PADI4: variants seen among roughly 807,000 people sequenced by gnomAD.
The protein encoded by PADI4 is protein-arginine deiminase type-4.
A neutral mutation model predicts 75.0 loss-of-function variants in PADI4; 62 were observed. That is an observed-to-expected ratio of 0.83 (90% CI 0.67 to 1.02). The LOEUF (loss-of-function observed/expected upper bound fraction) is 1.02, where lower values mean the gene tolerates loss of function less well. Among genes scored for constraint, PADI4 ranks in the 50% least tolerant of loss-of-function variants. The pLI is 0.00. For missense variants in PADI4, 845 were observed against 850.5 expected (o/e 0.99, Z 0.08); for synonymous variants, 361 against 348.1 (o/e 1.04, Z -0.41).
intron 1 of PADI4, among the ~76,000 whole-genome samples, chr1:17,320,474 T>C (rs1427143447): frequency 1.3e-5 from 2 of 152,250 alleles, no homozygotes; most frequent in African/African-American, 2.4e-5. Context: ...TTCTTGATTA[T>C]ATGCTAAACA....
In PADI4 at chr1:17,342,128, C is replaced by A. The variant is rs199938784; in HGVS notation, c.831+7C>A. On this transcript the variant is annotated splice_region_variant and intron_variant, in intron 7 of 15. Coordinates refer to ENST00000375448, the MANE Select transcript of PADI4 (RefSeq NM_012387.3). Reference sequence around the variant, plus strand: ...GCTGGACACGTCCAACCTGGTAGGCCGAGAAGGCAGCCCTGCATCGGGGGC... The same window carrying A: ...GCTGGACACGTCCAACCTGGTAGGCAGAGAAGGCAGCCCTGCATCGGGGGC... 6 of 1,612,676 alleles carry A rather than the reference C, an allele frequency of 3.7e-6. No homozygotes were observed. In the African/African-American group the frequency reaches 8.0e-5, roughly 22 times the overall value.
intron 1 of PADI4, among the ~76,000 whole-genome samples, chr1:17,310,935 A>T (rs555487255): frequency 1.3e-5 from 2 of 152,192 alleles, no homozygotes; most frequent in South Asian, 4.2e-4. Context: ...CGTCTCTACT[A>T]AAAATACAAA....
chr1:17,314,690 C>A (rs1214478230), intron 1 of PADI4, among the ~76,000 whole-genome samples: 1 of 152,202 alleles, frequency 6.6e-6, no homozygotes, highest in African/African-American at 2.4e-5. Context: ...TCAGAAGCAG[C>A]CCAAGGTCAT....
In PADI4 at chr1:17,347,956, G is replaced by A. The variant is rs866316345; in HGVS notation, c.1063G>A (p.Gly355Ser). 3.2e-6 allele frequency: 5 copies of A among 1,585,696 alleles called. No homozygotes were observed. Among genetic ancestry groups the A allele is most frequent in the South Asian group, 2.3e-5 (2 of 87,676 alleles). Residue 355 changes from glycine to serine, a missense_variant, in exon 10 of 16, where the codon GGC (glycine) becomes AGC (serine). Gly to Ser is a moderately conservative substitution (Grantham distance 56). Transcript: ENST00000375448. Reference sequence around the variant, plus strand: ...ACTCCCACAGGATGAAATGGAGATCGGCTACATCCAAGCCCCACACAAAAC... The same window carrying A: ...ACTCCCACAGGATGAAATGGAGATCAGCTACATCCAAGCCCCACACAAAAC... ...DQWMQDEMEIGYIQAPHKTLP... is the reference protein window; with the variant it reads ...DQWMQDEMEISYIQAPHKTLP...
chr1:17,328,263 A>G lies in PADI4; in HGVS notation c.93-2706A>G, dbSNP rs559160434. Among the ~76,000 whole-genome samples the G allele has an allele frequency of 3.3e-5, 5 of 152,202 alleles. No homozygotes were observed. In the South Asian group the frequency reaches 1.0e-3, roughly 32 times the overall value. Reference sequence around the variant, plus strand: ...GGTCTCAAACTCCTGGGTGCAAACAATCCTCCTGCCTTTGCCTCCCAAAGC... The same window carrying G: ...GGTCTCAAACTCCTGGGTGCAAACAGTCCTCCTGCCTTTGCCTCCCAAAGC... On this transcript the variant is annotated intron_variant, in intron 1 of 15. Transcript: ENST00000375448.
intron 6 of PADI4, among the ~76,000 whole-genome samples, chr1:17,340,725 G>GT (rs34686723): frequency 2.2e-3 from 309 of 142,910 alleles, no homozygotes; most frequent in African/African-American, 4.7e-3. Flanking sequence ...CCATGGGAGG[G>GT]TTTTTTTTTT....
chr1:17,336,276 G>C (rs779956929), intron 4 of PADI4, 50 bp downstream of exon 4: 1 of 1,479,208 alleles, frequency 6.8e-7, no homozygotes, highest in Non-Finnish European at 9.5e-7. Context: ...ATTCTCCCCG[G>C]GCGCCCCCTT....
intron 2 of PADI4, 50 bp from the exon 3 acceptor site, chr1:17,333,893 G>T: frequency 7.2e-7 from 1 of 1,388,586 alleles, no homozygotes; most frequent in Non-Finnish European, 1.0e-6. Flanking sequence ...GGTCCAGTGG[G>T]TGTTTGTTGA....
At chr1:17,324,155 GT>G (rs1176338034) in intron 1 of PADI4, among the ~76,000 whole-genome samples, 1 of 126,836 alleles carries the variant, frequency 7.9e-6, no homozygotes, top group Non-Finnish European at 1.6e-5. Context: ...GGTTTTTTTT[GT>G]TTTTTTTTTT....
chr1:17,347,619 G>A (rs539454917), intron 9 of PADI4, among the ~76,000 whole-genome samples: 5 of 151,788 alleles, frequency 3.3e-5, no homozygotes, highest in Non-Finnish European at 7.4e-5. Context: ...TAACCCTGGT[G>A]CCCACTGCCT....
At chr1:17,341,828 C>T in intron 6 of PADI4, 115 bp from the exon 7 acceptor site, 1 of 733,696 alleles carries the variant, frequency 1.4e-6, no homozygotes, top group Non-Finnish European at 2.3e-6. Context: ...GCAAGGGGTT[C>T]TCTGATGGTG....
intron 10 of PADI4, among the ~76,000 whole-genome samples, chr1:17,351,489 A>G (rs896524904): frequency 1.3e-5 from 2 of 151,696 alleles, no homozygotes; most frequent in South Asian, 2.1e-4. Context: ...GCATGCCTAT[A>G]GTTCCAGCTA....
intron 1 of PADI4, among the ~76,000 whole-genome samples, chr1:17,323,337 G>A (rs1408374899): frequency 8.9e-6 from 1 of 112,334 alleles, no homozygotes; most frequent in Non-Finnish European, 2.0e-5. Context: ...TTACTTCCTT[G>A]GTTAGAAGGA....
intron 10 of PADI4, among the ~76,000 whole-genome samples, 196 bp from the exon 11 acceptor site, chr1:17,354,337 G>A (rs1281865989): frequency 1.3e-5 from 2 of 152,188 alleles, no homozygotes; most frequent in Admixed American, 6.5e-5. Context: ...ACAAATGCTA[G>A]TCCCTTTTCT....
chr1:17,356,487 T>C lies in PADI4; in HGVS notation c.1558+28T>C. ...AAGTCGGCCCTGCCTTGTTCTCCTG[T>C]CTGTGCACCTTCCTGCTTCCCATAG... is the stretch of plus-strand genomic sequence containing the variant. On this transcript the variant is annotated intron_variant, in intron 13 of 15. Coordinates refer to ENST00000375448, the MANE Select transcript of PADI4 (RefSeq NM_012387.3). The surrounding 1 kb of genome is among the most constrained non-coding windows in gnomAD (Gnocchi z 4.1). 1 of 1,317,158 alleles carries C rather than the reference T, an allele frequency of 7.6e-7. No individual in the cohort carries two copies. Among genetic ancestry groups the C allele is most frequent in the South Asian group, 1.2e-5 (1 of 83,622 alleles). The allele number at this position is 1,317,158 out of a possible 1,614,324, so 81.6% of individuals were successfully genotyped here.
Position 17,346,195 on chromosome 1 carries a change from G to A in PADI4, c.1047+56G>A. ...TGTCCCTGAGGGCCAAGAGACACTT[G>A]GGGGACCCGGGCTCCTGGGGTTCAG... On this transcript the variant is annotated intron_variant, in intron 9 of 15. Transcript: ENST00000375448. This position sits in a 1 kb window ranked among gnomAD's most constrained non-coding sequence, Gnocchi z 4.3. 7 of 1,144,678 alleles carry A rather than the reference G, an allele frequency of 6.1e-6. No homozygotes were observed. The highest frequency in any genetic ancestry group is 9.2e-6 in the Non-Finnish European group (7 of 763,144). 70.9% of individuals were successfully genotyped at this position (1,144,678 alleles called of 1,614,324 possible). A position where few individuals can be genotyped will look rare whatever the true frequency, so the allele number is the denominator to read the frequency against.
In PADI4 at chr1:17,349,574, G is replaced by A. The variant is rs555784725; in HGVS notation, c.1155+1526G>A. ...ACAAAAATTAGCTGGGCATGGTGGT[G>A]TGTGCCTGTAATCCTATCTTCTCAA... On this transcript the variant is annotated intron_variant, in intron 10 of 15. Transcript: ENST00000375448. 6.6e-5 allele frequency among the ~76,000 whole-genome samples: 10 copies of A among 152,210 alleles called. No homozygotes were observed. In the South Asian group the frequency reaches 1.9e-3, roughly 28 times the overall value.
intron 10 of PADI4, among the ~76,000 whole-genome samples, chr1:17,351,488 T>C (rs1052417616): frequency 1.3e-5 from 2 of 150,748 alleles, no homozygotes; most frequent in African/African-American, 4.9e-5. Flanking sequence ...TGCATGCCTA[T>C]AGTTCCAGCT....
At chr1:17,342,931 C>T (rs1002939825) in intron 8 of PADI4, among the ~76,000 whole-genome samples, 3 of 152,160 alleles carry the variant, frequency 2.0e-5, no homozygotes, top group East Asian at 1.9e-4. Context: ...GCTGAGATTG[C>T]GCCACTGCGC....
Sources: allele counts gnomAD v4.1 joint callset (sites outside exome capture counted in the v4.1 genomes callset), GRCh38; gene constraint gnomAD v4.1.1; non-coding constraint Gnocchi (gnomAD v3.1); transcripts MANE v1.5; gene names NCBI Gene and HGNC (gene_info 2026-07-23, HGNC 2026-07-21).